S100Z: variants seen among roughly 807,000 people sequenced by gnomAD.
The protein encoded by S100Z is protein S100-Z.
In S100Z, 11 loss-of-function variants were observed where a neutral mutation model predicts 8.5. That is an observed-to-expected ratio of 1.30 (90% CI 0.82 to 2.15). S100Z has a LOEUF of 2.15. Ranked by LOEUF, S100Z falls within the 30% of genes most tolerant of loss-of-function variation. S100Z has a pLI of 0.00. For synonymous variants in S100Z, 34 were observed against 43.8 expected (o/e 0.78, Z 0.89); for missense variants, 126 against 117.9 (o/e 1.07, Z -0.32).
At chr5:76,932,781 C>A in the S100Z span, among the ~76,000 whole-genome samples, 1 of 152,016 alleles carries the variant, frequency 6.6e-6, no homozygotes, top group Non-Finnish European at 1.5e-5. Context: ...TTTTCATCAA[C>A]GCTTTAAAAA....
chr5:76,858,277 C>T (rs1750941003), intron 1 of S100Z, among the ~76,000 whole-genome samples: 1 of 152,172 alleles, frequency 6.6e-6, no homozygotes, highest in African/African-American at 2.4e-5. Flanking sequence ...AATCCCAGCA[C>T]TTTGGGAGGC....
At chr5:76,908,127 G>T (rs1335877810) in intron 4 of S100Z, among the ~76,000 whole-genome samples, 3 of 152,112 alleles carry the variant, frequency 2.0e-5, no homozygotes, top group African/African-American at 7.2e-5. Context: ...GTGAGACCCT[G>T]TCTCAAAAAA....
chr5:76,941,643 G>A, the S100Z span, among the ~76,000 whole-genome samples: 30 of 152,192 alleles, frequency 2.0e-4, no homozygotes, highest in African/African-American at 7.2e-4. Context: ...CATCACTGTT[G>A]ATATTGACTG....
intron 1 of S100Z, among the ~76,000 whole-genome samples, chr5:76,867,204 C>CA (rs1742784833): frequency 6.6e-6 from 1 of 152,218 alleles, no homozygotes; most frequent in African/African-American, 2.4e-5. Context: ...AGATAATAAA[C>CA]ATACTCACCA....
At chr5:76,864,706 TTTA>T (rs1305435946) in intron 1 of S100Z, among the ~76,000 whole-genome samples, 1 of 144,420 alleles carries the variant, frequency 6.9e-6, no homozygotes, top group East Asian at 2.1e-4. Flanking sequence ...CCTGGCCTCA[TTTA>T]TTATACTTTT....
At chr5:76,857,291 A>T (rs1234320035) in intron 1 of S100Z, among the ~76,000 whole-genome samples, 1 of 150,598 alleles carries the variant, frequency 6.6e-6, no homozygotes, top group Non-Finnish European at 1.5e-5. Context: ...ACTCCATCTC[A>T]AAAAAAAGAA....
At chr5:76,879,185 T>G (rs1743303045) in intron 4 of S100Z, among the ~76,000 whole-genome samples, 1 of 152,168 alleles carries the variant, frequency 6.6e-6, no homozygotes, top group African/African-American at 2.4e-5. Context: ...TTCCTTGTCT[T>G]TTTTTGTTGT....
intron 4 of S100Z, among the ~76,000 whole-genome samples, chr5:76,901,736 A>G (rs1163215101): frequency 6.6e-6 from 1 of 152,084 alleles, no homozygotes; most frequent in East Asian, 1.9e-4. Context: ...GTGCAAGACA[A>G]AGTCCCCTTT....
chr5:76,897,671 A>T (rs921701298), intron 4 of S100Z, among the ~76,000 whole-genome samples: 1 of 152,024 alleles, frequency 6.6e-6, no homozygotes, highest in Non-Finnish European at 1.5e-5. Flanking sequence ...AGTGTTTCAC[A>T]GTTTTCATTA....
downstream of S100Z, among the ~76,000 whole-genome samples, chr5:76,926,137 A>G (rs16873930): frequency 0.15 from 22,531 of 152,048 alleles, 1,829 homozygotes; most frequent in Middle Eastern, 0.27. Context: ...ATAGTGGAGA[A>G]GCTTGTTTTT....
the S100Z span, among the ~76,000 whole-genome samples, chr5:76,933,716 C>G: frequency 1.3e-5 from 2 of 152,132 alleles, no homozygotes; most frequent in Non-Finnish European, 2.9e-5. Context: ...CATGGCCACA[C>G]CTTTCATTTG....
rs142689501 is a variant in S100Z, at chr5:76,859,408, A to G, written c.-176+9253A>G. 2.0e-3 allele frequency among the ~76,000 whole-genome samples: 300 copies of G among 152,300 alleles called. 4 individuals are homozygous for G. The highest frequency in any genetic ancestry group is 0.018 in the Admixed American group (271 of 15,292). On this transcript the variant is annotated intron_variant, in intron 1 of 4. Transcript: ENST00000317593. Reference sequence around the variant, plus strand: ...TTTCTAGAATCGAGGTCTTTTGGAGACAGGTAGTATTAAAGCTCCCAAGAA... The same window carrying G: ...TTTCTAGAATCGAGGTCTTTTGGAGGCAGGTAGTATTAAAGCTCCCAAGAA...
chr5:76,902,488 G>T (rs567751781), intron 4 of S100Z, among the ~76,000 whole-genome samples: 8 of 152,238 alleles, frequency 5.3e-5, no homozygotes, highest in Admixed American at 1.3e-4. Flanking sequence ...GCTGCCAGGG[G>T]TGGGGCAGGG....
chr5:76,863,169 A>C (rs1264285379), intron 1 of S100Z, among the ~76,000 whole-genome samples: 3 of 152,288 alleles, frequency 2.0e-5, no homozygotes, highest in African/African-American at 4.8e-5. Context: ...GTTTTTCTGG[A>C]CGGTAGGGGC....
Position 76,864,386 on chromosome 5 carries a change from A to ATTTTTT in S100Z, c.-175-5752_-175-5747dup, listed in dbSNP as rs56206322. ...TATGTTACTGCTTAATGCATACTAT[A>ATTTTTT]TTTTTTTTTTTTTTTTTTTTTTTTT... On this transcript the variant is annotated intron_variant, in intron 1 of 4. Coordinates refer to ENST00000317593, the MANE Select transcript of S100Z (RefSeq NM_130772.4). 1.7e-3 allele frequency among the ~76,000 whole-genome samples: 125 copies of ATTTTTT among 72,180 alleles called. 1 individual carries two copies. The highest frequency in any genetic ancestry group is 2.2e-3 in the Non-Finnish European group (85 of 39,282). 47.4% of individuals were successfully genotyped at this position (72,180 alleles called of 152,430 possible). A position where few individuals can be genotyped will look rare whatever the true frequency, so the allele number is the denominator to read the frequency against.
chr5:76,902,148 T>C (rs1019172437), intron 4 of S100Z, among the ~76,000 whole-genome samples: 1 of 151,978 alleles, frequency 6.6e-6, no homozygotes, highest in African/African-American at 2.4e-5. Context: ...GGGGGTCTCT[T>C]TTGGAGCCTC....
the S100Z span, among the ~76,000 whole-genome samples, chr5:76,938,659 A>C: frequency 6.6e-6 from 1 of 152,220 alleles, no homozygotes; most frequent in African/African-American, 2.4e-5. Context: ...ACCTGTCCCA[A>C]CATTGCAAAG....
At chr5:76,864,872 C>T (rs1751210350) in intron 1 of S100Z, among the ~76,000 whole-genome samples, 1 of 151,880 alleles carries the variant, frequency 6.6e-6, no homozygotes. Context: ...CCATGCCTGG[C>T]TAATTGTTGT....
At chr5:76,859,768 C>CAAAA (rs70982653) in intron 1 of S100Z, among the ~76,000 whole-genome samples, 7,933 of 97,362 alleles carry the variant, frequency 0.081, 641 homozygotes, top group African/African-American at 0.2. Context: ...GCAACAGAGC[C>CAAAA]AAAAAAAAAA....
Sources: gnomAD v4.1 joint callset for allele counts (sites outside exome capture counted in the v4.1 genomes callset) on GRCh38, gnomAD v4.1.1 for gene constraint, MANE v1.5 for transcripts, NCBI Gene and HGNC (gene_info 2026-07-23, HGNC 2026-07-21) for gene names.